IARS1: variants seen among roughly 807,000 people sequenced by gnomAD.
IARS1 encodes isoleucyl-tRNA synthetase 1.
Under a neutral mutation model 168.2 loss-of-function variants are expected in IARS1, and 124 were observed. The observed-to-expected ratio is 0.74, with a 90% CI of 0.64 to 0.86. The LOEUF (loss-of-function observed/expected upper bound fraction) is 0.86. IARS1 is among the 40% of genes least tolerant of loss of function. IARS1 has a pLI of 0.00. For missense variants in IARS1, 1,452 were observed against 1,515.8 expected (o/e 0.96, Z 0.70); for synonymous variants, 532 against 529.4 (o/e 1.00, Z -0.07).
intron 31 of IARS1, among the ~76,000 whole-genome samples, chr9:92,225,178 C>A (rs1160865283): frequency 1.3e-5 from 2 of 152,212 alleles, no homozygotes. Context: ...ACACACACTC[C>A]TTTTGGACAA....
At position 92,265,056 on chromosome 9, in the gene IARS1, C is replaced by G. The variant is rs775880989; in HGVS notation, c.1573G>C (p.Asp525His). Residue 525 changes from aspartate to histidine, a missense_variant, in exon 16 of 34, where the codon GAC becomes CAC. Transcript: ENST00000443024. ...ATGCTGCCACTCTCAAACCAACAGT[C>G]AAACACTTCAGAGATGCGGTGCAAG... ...GSLHRISEVF[D>H]CWFESGSMPY... The G allele has an allele frequency of 1.2e-6, 2 of 1,614,148 alleles. No homozygotes were observed. The highest frequency in any genetic ancestry group is 2.2e-5 in the South Asian group (2 of 91,080).
chr9:92,285,482 A>T (rs1474995052), intron 6 of IARS1, among the ~76,000 whole-genome samples: 1 of 152,206 alleles, frequency 6.6e-6, no homozygotes, highest in African/African-American at 2.4e-5. Context: ...CAAAACAAGC[A>T]AAACCTATCA....
intron 2 of IARS1, 124 bp from the exon 3 acceptor site, chr9:92,288,406 CA>C: frequency 2.5e-6 from 2 of 787,044 alleles, no homozygotes; most frequent in South Asian, 3.1e-5. Flanking sequence ...AGGAAACCGA[CA>C]GACATAATTG....
chr9:92,280,546 A>G (rs1237308819), intron 7 of IARS1, among the ~76,000 whole-genome samples, 200 bp downstream of exon 7: 1 of 152,214 alleles, frequency 6.6e-6, no homozygotes, highest in Non-Finnish European at 1.5e-5. Flanking sequence ...TCTACTTTTT[A>G]TATCTCTGTA....
chr9:92,272,893 C>T (rs1042041484), intron 10 of IARS1, among the ~76,000 whole-genome samples: 15 of 147,372 alleles, frequency 1.0e-4, no homozygotes, highest in African/African-American at 3.5e-4. Flanking sequence ...AAAAATTTAC[C>T]AAATGGTGTT....
intron 19 of IARS1, among the ~76,000 whole-genome samples, chr9:92,257,732 T>A (rs1830922706): frequency 6.6e-6 from 1 of 152,204 alleles, no homozygotes. Flanking sequence ...AAGAGTTCAT[T>A]TTTCCAACCA....
At chr9:92,261,249 C>T (rs796565090) in intron 17 of IARS1, among the ~76,000 whole-genome samples, 8 of 151,636 alleles carry the variant, frequency 5.3e-5, no homozygotes, top group African/African-American at 1.9e-4. Flanking sequence ...GTGGAGGCTG[C>T]AGTGAGCCGA....
chr9:92,210,806 G>T lies in IARS1; in HGVS notation c.*1C>A, dbSNP rs1837616092. On this transcript the variant is annotated 3_prime_UTR_variant, in exon 34 of 34. Transcript: ENST00000443024. ...GACCGAACAACATTGATAAGTACAT[G>T]CTAGAAGTCTGCTGTTGTTGGTAAC... 2 of 1,591,564 alleles carry T rather than the reference G, an allele frequency of 1.3e-6. No homozygotes were observed. Among genetic ancestry groups the T allele is most frequent in the Non-Finnish European group, 1.7e-6 (2 of 1,159,468 alleles).
At position 92,252,342 on chromosome 9, in the gene IARS1, ATAAT is replaced by A. The variant is rs372797516; in HGVS notation, c.2230-461_2230-458del. ...CATTATCTTTGTTTTTCCTACAATCATAATTAATTTATCCAGAGACAACTACTGT... is the reference window on the plus strand; with the variant it reads ...CATTATCTTTGTTTTTCCTACAATCATAATTTATCCAGAGACAACTACTGT... On this transcript the variant is annotated intron_variant, in intron 21 of 33. Transcript: ENST00000443024. The A allele has an allele frequency of 7.2e-4, 367 of 508,480 alleles. 3 individuals carry two copies. Among genetic ancestry groups the A allele is most frequent in the African/African-American group, 6.3e-3 (325 of 51,894 alleles). The allele number at this position is 508,480 out of a possible 1,614,324, so 31.5% of individuals were successfully genotyped here. A position where few individuals can be genotyped will look rare whatever the true frequency, so the allele number is the denominator to read the frequency against.
Position 92,265,572 on chromosome 9 carries a change from A to G in IARS1, c.1432-19T>C. 2.5e-6 allele frequency: 4 copies of G among 1,605,732 alleles called. No individual in the cohort carries two copies. The highest frequency in any genetic ancestry group is 3.4e-6 in the Non-Finnish European group (4 of 1,172,438). ...ATACCACCTGTCAAAAACAAAGTTC[A>G]ATAGCAGGAGCTCCTTAGAGCCAAA... On this transcript the variant is annotated intron_variant, in intron 14 of 33. Transcript: ENST00000443024.
chr9:92,290,456 T>C (rs1219463593), intron 1 of IARS1, among the ~76,000 whole-genome samples: 2 of 152,184 alleles, frequency 1.3e-5, no homozygotes, highest in Non-Finnish European at 2.9e-5. Context: ...TTATCAGATA[T>C]ATGATTTATA....
In IARS1 at chr9:92,293,617, G is replaced by T. The variant is rs927644417; in HGVS notation, c.-14C>A. 2.9e-6 allele frequency: 1 copy of T among 346,242 alleles called. No individual in the cohort carries two copies. The highest frequency in any genetic ancestry group is 2.2e-5 in the African/African-American group (1 of 46,340). 21.4% of individuals were successfully genotyped at this position (346,242 alleles called of 1,614,324 possible). ...CAGGGAAGAGAGGGCGTACCTGAGG[G>T]GCCTCGCGTGCCTGGACAGCCCCGC... On this transcript the variant is annotated 5_prime_UTR_variant, in exon 1 of 34. Transcript: ENST00000443024.
At chr9:92,218,138 G>A (rs1839055740) in intron 33 of IARS1, among the ~76,000 whole-genome samples, 3 of 151,876 alleles carry the variant, frequency 2.0e-5, no homozygotes, top group Admixed American at 1.3e-4. Context: ...ATCAGTAAAT[G>A]TAATCCAGCA....
In IARS1 at chr9:92,250,393, T is replaced by G. The variant is rs550408404; in HGVS notation, c.2430-104A>C. On this transcript the variant is annotated intron_variant, in intron 23 of 33. Transcript: ENST00000443024. Reference sequence around the variant, plus strand: ...GGAAGAGGGTCAGGCTAGAGAAGTGTGGCTAGGCCCTCCTGGTGAAGCACT... The same window carrying G: ...GGAAGAGGGTCAGGCTAGAGAAGTGGGGCTAGGCCCTCCTGGTGAAGCACT... 8 of 773,864 alleles carry G rather than the reference T, an allele frequency of 1.0e-5. No homozygotes were observed. In the African/African-American group the frequency reaches 1.2e-4, roughly 12 times the overall value. 47.9% of individuals were successfully genotyped at this position (773,864 alleles called of 1,614,324 possible). A position where few individuals can be genotyped will look rare whatever the true frequency, so the allele number is the denominator to read the frequency against.
At chr9:92,292,749 G>A (rs1587921821) in intron 1 of IARS1, among the ~76,000 whole-genome samples, 1 of 151,964 alleles carries the variant, frequency 6.6e-6, no homozygotes, top group East Asian at 1.9e-4. Flanking sequence ...CAGCAATTTC[G>A]AGACCACCCT....
chr9:92,257,933 T>C (rs1830959921), intron 19 of IARS1, among the ~76,000 whole-genome samples: 1 of 152,178 alleles, frequency 6.6e-6, no homozygotes, highest in Admixed American at 6.5e-5. Context: ...TGGTCAGTTG[T>C]GGGGCATGGA....
chr9:92,290,649 C>T (rs969860856), intron 1 of IARS1, among the ~76,000 whole-genome samples: 2 of 152,008 alleles, frequency 1.3e-5, no homozygotes, highest in African/African-American at 4.8e-5. Context: ...ACATTTAGGC[C>T]ACAAATAATT....
intron 21 of IARS1, among the ~76,000 whole-genome samples, chr9:92,252,986 T>C (rs1830232261): frequency 6.6e-6 from 1 of 151,988 alleles, no homozygotes; most frequent in Admixed American, 6.6e-5. Context: ...CTGACTCCCT[T>C]GTGGTAGAAG....
intron 25 of IARS1, among the ~76,000 whole-genome samples, chr9:92,248,139 C>T (rs1354741047): frequency 6.6e-6 from 1 of 152,154 alleles, no homozygotes; most frequent in East Asian, 1.9e-4. Flanking sequence ...CAGAGGTAAC[C>T]TTTGTGCAAG....
Sources: gnomAD v4.1 joint callset for allele counts (sites outside exome capture counted in the v4.1 genomes callset) on GRCh38, gnomAD v4.1.1 for gene constraint, MANE v1.5 for transcripts, NCBI Gene and HGNC (gene_info 2026-07-23, HGNC 2026-07-21) for gene names.